Variants in SLC25A16 observed in about 807,000 individuals in gnomAD.
SLC25A16 encodes the protein mitochondrial coenzyme A transporter SLC25A16.
SLC25A16 carries 39 observed loss-of-function variants against 41.5 expected under a neutral mutation model. The observed-to-expected ratio is 0.94, with a 90% CI of 0.73 to 1.23. The LOEUF is 1.23. SLC25A16 is among the 50% of genes most tolerant of loss of function. The probability of loss-of-function intolerance (pLI) is 0.00; values close to 1 mark genes in which losing one functional copy is unlikely to be tolerated. For missense variants in SLC25A16, 421 were observed against 426.9 expected (o/e 0.99, Z 0.12); for synonymous variants, 146 against 147.8 (o/e 0.99, Z 0.09).
intron 2 of SLC25A16, among the ~76,000 whole-genome samples, chr10:68,509,753 A>C (rs1196698684): frequency 4.3e-5 from 6 of 141,118 alleles, no homozygotes; most frequent in African/African-American, 1.7e-4. Flanking sequence ...CTATATATAT[A>C]GATATATAGA....
intron 4 of SLC25A16, chr10:68,503,396 T>C (rs1392757089): frequency 5.5e-6 from 2 of 364,308 alleles, no homozygotes; most frequent in African/African-American, 4.2e-5. Context: ...GGCGTACTGA[T>C]AATTTCATAT....
chr10:68,527,449 C>A lies in SLC25A16; in HGVS notation c.-74G>T. 2 of 1,372,676 alleles carry A rather than the reference C, an allele frequency of 1.5e-6. No homozygotes were observed. The highest frequency in any genetic ancestry group is 9.4e-7 in the Non-Finnish European group (1 of 1,062,632). 85.0% of individuals were successfully genotyped at this position (1,372,676 alleles called of 1,614,324 possible). ...CGGACGGGACCATAGCCGGAACAGG[C>A]GGTGACAGGAGGCTGACCGCCCCGC... On this transcript the variant is annotated 5_prime_UTR_variant, in exon 1 of 9. Transcript: ENST00000609923.
rs762051318 is a variant in SLC25A16 at position 68,503,665 on chromosome 10, G to C, written c.388C>G (p.His130Asp). ...LITTKLGISG[H>D]VHRLMAGSMA... ...GATCCAGCCATTAATCTGTGCACAT[G>C]ACCTGAAATTCCCAGCTTCGTAGTA... Residue 130 changes from histidine to aspartate, a missense_variant, in exon 4 of 9, where the codon CAT becomes GAT. By Grantham distance (81) the His-to-Asp change is moderately conservative. Transcript: ENST00000609923. The C allele has an allele frequency of 6.2e-7, 1 of 1,607,140 alleles. No homozygotes were observed. The highest frequency in any genetic ancestry group is 8.5e-7 in the Non-Finnish European group (1 of 1,175,004).
At chr10:68,494,550 A>AAAGG (rs201925012) in intron 4 of SLC25A16, among the ~76,000 whole-genome samples, 52 of 147,092 alleles carry the variant, frequency 3.5e-4, no homozygotes, top group Non-Finnish European at 5.1e-4. Flanking sequence ...AGAGAGAGAG[A>AAAGG]AAGGAAGGAA....
chr10:68,523,707 T>G (rs553297352), intron 1 of SLC25A16, among the ~76,000 whole-genome samples: 1 of 152,204 alleles, frequency 6.6e-6, no homozygotes, highest in Non-Finnish European at 1.5e-5. Context: ...ACTCCTGACC[T>G]CAGGTGATCT....
intron 7 of SLC25A16, among the ~76,000 whole-genome samples, chr10:68,488,025 G>T (rs1332437586): frequency 6.6e-6 from 1 of 152,056 alleles, no homozygotes; most frequent in East Asian, 1.9e-4. Flanking sequence ...GCTAATTTTT[G>T]TGTTTTTAGT....
At chr10:68,493,038 A>G in intron 6 of SLC25A16, 94 bp downstream of exon 6, 1 of 745,662 alleles carries the variant, frequency 1.3e-6, no homozygotes, top group Non-Finnish European at 2.3e-6. Context: ...TACTTAACAG[A>G]TAACATCTTT....
chr10:68,519,356 G>A (rs12783511), intron 1 of SLC25A16, among the ~76,000 whole-genome samples: 3,652 of 150,522 alleles, frequency 0.024, 79 homozygotes, highest in Non-Finnish European at 0.038. Flanking sequence ...GTGTGGTAGC[G>A]GACACCTGTA....
rs115276299 is a variant in SLC25A16 at position 68,501,376 on chromosome 10, C to T, written c.421+2256G>A. ...TAATATTGTCCTGTGGACTCCATGTCGAGTGTCCAAATATTACATGTCAAG... is the reference window on the plus strand; with the variant it reads ...TAATATTGTCCTGTGGACTCCATGTTGAGTGTCCAAATATTACATGTCAAG... On this transcript the variant is annotated intron_variant, in intron 4 of 8. Transcript: ENST00000609923. Among the ~76,000 whole-genome samples the T allele has an allele frequency of 3.9e-3, 597 of 151,994 alleles. 8 individuals carry two copies. Among genetic ancestry groups the T allele is most frequent in the African/African-American group, 0.014 (574 of 41,460 alleles).
At chr10:68,495,061 C>T (rs1032293720) in intron 4 of SLC25A16, among the ~76,000 whole-genome samples, 1 of 151,946 alleles carries the variant, frequency 6.6e-6, no homozygotes, top group African/African-American at 2.4e-5. Context: ...GTGAACAGAT[C>T]GCTTGAGCCC....
intron 6 of SLC25A16, among the ~76,000 whole-genome samples, chr10:68,492,619 T>C (rs559699948): frequency 7.0e-4 from 107 of 151,810 alleles, no homozygotes; most frequent in Non-Finnish European, 1.3e-3. Flanking sequence ...CAGGTGGAGG[T>C]TGCAGTGAGC....
At chr10:68,489,862 C>G (rs1174153301) in intron 6 of SLC25A16, among the ~76,000 whole-genome samples, 4 of 147,304 alleles carry the variant, frequency 2.7e-5, no homozygotes, top group Non-Finnish European at 5.9e-5. Flanking sequence ...GATGGCAACA[C>G]TGCACTCTAG....
chr10:68,527,361 C>A lies in SLC25A16; in HGVS notation c.15G>T (p.Thr5=). The A allele has an allele frequency of 6.7e-7, 1 of 1,501,844 alleles. No homozygotes were observed. The highest frequency in any genetic ancestry group is 8.8e-7 in the Non-Finnish European group (1 of 1,130,726). 93.0% of individuals were successfully genotyped at this position (1,501,844 alleles called of 1,614,324 possible). A position where few individuals can be genotyped will look rare whatever the true frequency, so the allele number is the denominator to read the frequency against. The change falls in exon 1 of 9, where the codon ACG becomes ACT. Residue 5 remains threonine (T), a synonymous_variant. Coordinates refer to ENST00000609923, the MANE Select transcript of SLC25A16 (RefSeq NM_152707.4). MAAA[T]AAAALAAADP... ...CGGCCGCCGCCAGGGCTGCCGCGGC[C>A]GTCGCCGCCGCCATCAGGACCAGGG... is the stretch of plus-strand genomic sequence containing the variant.
chr10:68,500,100 C>T (rs532699003), intron 4 of SLC25A16: 36 of 183,926 alleles, frequency 2.0e-4, no homozygotes, highest in Middle Eastern at 2.2e-3. Flanking sequence ...AGTTGTAGGA[C>T]GAGGGACAGG....
intron 8 of SLC25A16, among the ~76,000 whole-genome samples, chr10:68,485,954 C>T (rs1454310203): frequency 6.6e-6 from 1 of 151,422 alleles, no homozygotes. Context: ...CCTGCCACCA[C>T]ACCCGGCTAA....
intron 2 of SLC25A16, among the ~76,000 whole-genome samples, chr10:68,511,897 C>G (rs1330235960): frequency 6.6e-6 from 1 of 151,868 alleles, no homozygotes; most frequent in Admixed American, 6.6e-5. Context: ...CACTCTATCG[C>G]CCAGGCTGGA....
intron 4 of SLC25A16, chr10:68,496,709 C>T (rs2133525499): frequency 1.1e-6 from 1 of 944,080 alleles, no homozygotes; most frequent in Non-Finnish European, 1.3e-6. Context: ...TTATGGGAAA[C>T]CTGAGAACAT....
chr10:68,503,065 A>G (rs1162539991), intron 4 of SLC25A16: 3 of 152,112 alleles, frequency 2.0e-5, no homozygotes, highest in African/African-American at 4.8e-5. Flanking sequence ...GAATGCAACT[A>G]TTTTTACTGT....
chr10:68,520,798 G>C (rs1304213305), intron 1 of SLC25A16, among the ~76,000 whole-genome samples: 1 of 130,040 alleles, frequency 7.7e-6, no homozygotes, highest in African/African-American at 2.9e-5. Context: ...GGCAACAAGA[G>C]CAAAACTCTG....
Sources: allele counts gnomAD v4.1 joint callset (sites outside exome capture counted in the v4.1 genomes callset), GRCh38; gene constraint gnomAD v4.1.1; transcripts MANE v1.5; gene names NCBI Gene and HGNC (gene_info 2026-07-23, HGNC 2026-07-21).